DIP2C: variants seen among roughly 807,000 people sequenced by gnomAD.
DIP2C encodes the protein DIP2 acetate--CoA ligase C (putative).
In DIP2C, 33 loss-of-function variants were observed where a neutral mutation model predicts 192.4. The ratio of observed to expected loss-of-function variants is 0.17; its 90% CI spans 0.13 to 0.23. The LOEUF (loss-of-function observed/expected upper bound fraction) is 0.23, where lower values mean the gene tolerates loss of function less well. Among genes scored for constraint, DIP2C ranks in the 10% least tolerant of loss-of-function variants. The pLI is 1.00. For synonymous variants in DIP2C, 979 were observed against 864.1 expected (o/e 1.13, Z -2.33); for missense variants, 1,537 against 2,110.1 (o/e 0.73, Z 5.32).
intron 14 of DIP2C, among the ~76,000 whole-genome samples, chr10:386,932 C>G (rs986780955): frequency 1.3e-5 from 2 of 152,196 alleles, no homozygotes; most frequent in Non-Finnish European, 2.9e-5. Flanking sequence ...TACTTCCCCA[C>G]GAAAAGTGCC....
chr10:506,972 C>T (rs1564800127), intron 1 of DIP2C, among the ~76,000 whole-genome samples: 2 of 149,652 alleles, frequency 1.3e-5, no homozygotes, highest in South Asian at 2.1e-4. Context: ...CTGTGCAAGA[C>T]GAGAGGCGTG....
chr10:403,692 G>A (rs1324380600), intron 9 of DIP2C, among the ~76,000 whole-genome samples: 9 of 149,758 alleles, frequency 6.0e-5, no homozygotes, highest in African/African-American at 1.2e-4. Context: ...GATTTTACAC[G>A]TGTGGTAGCA....
At chr10:560,171 T>G (rs1849127216) in intron 1 of DIP2C, among the ~76,000 whole-genome samples, 1 of 152,002 alleles carries the variant, frequency 6.6e-6, no homozygotes, top group African/African-American at 2.4e-5. Context: ...AAAGCCAGTG[T>G]CCACTGATCA....
intron 31 of DIP2C, among the ~76,000 whole-genome samples, chr10:326,418 C>T (rs1957274381): frequency 6.6e-6 from 1 of 152,084 alleles, no homozygotes; most frequent in East Asian, 1.9e-4. Context: ...TGGAGGGATG[C>T]ACACCAACCG....
At chr10:519,194 C>G (rs1846542955) in intron 1 of DIP2C, among the ~76,000 whole-genome samples, 2 of 152,348 alleles carry the variant, frequency 1.3e-5, no homozygotes, top group South Asian at 4.1e-4. Flanking sequence ...CTCCTGGCTG[C>G]AGGGTCTGCA....
intron 1 of DIP2C, among the ~76,000 whole-genome samples, chr10:657,842 T>C (rs1856477596): frequency 2.0e-5 from 3 of 151,578 alleles, no homozygotes; most frequent in Non-Finnish European, 4.4e-5. Context: ...GACCTGCCCC[T>C]GGACCTGCCG....
intron 1 of DIP2C, among the ~76,000 whole-genome samples, chr10:633,380 T>TC (rs909330815): frequency 2.0e-5 from 3 of 150,704 alleles, no homozygotes; most frequent in Admixed American, 2.0e-4. Flanking sequence ...ACGGGGGGAG[T>TC]CCGAGGCGGT....
chr10:614,410 C>T (rs1193206040), intron 1 of DIP2C, among the ~76,000 whole-genome samples: 2 of 152,210 alleles, frequency 1.3e-5, no homozygotes, highest in East Asian at 1.9e-4. Flanking sequence ...CTAACAGTGC[C>T]GGCTCTGTGG....
chr10:587,808 C>T lies in DIP2C; in HGVS notation c.86-101278G>A, dbSNP rs369445882. On this transcript the variant is annotated intron_variant, in intron 1 of 36. Transcript: ENST00000280886. ...CACCAGGCGCTGCCTCAGCCCTCAC[C>T]CTCCTGAAACCCCACATCCACACCA... Among the ~76,000 whole-genome samples, 13 of 117,436 alleles carry T rather than the reference C, an allele frequency of 1.1e-4. No individual in the cohort carries two copies. The East Asian group carries it at 3.0e-3, about 27-fold the overall frequency. 77.0% of individuals were successfully genotyped at this position (117,436 alleles called of 152,430 possible). A position where few individuals can be genotyped will look rare whatever the true frequency, so the allele number is the denominator to read the frequency against.
At chr10:376,257 C>A (rs1387920053) in intron 17 of DIP2C, among the ~76,000 whole-genome samples, 3 of 146,784 alleles carry the variant, frequency 2.0e-5, no homozygotes, top group African/African-American at 7.9e-5. Context: ...CGGCCCCCGA[C>A]AGAGCCGGCA....
intron 4 of DIP2C, among the ~76,000 whole-genome samples, chr10:424,361 T>A (rs1966430388): frequency 4.5e-5 from 2 of 44,154 alleles, no homozygotes; most frequent in South Asian, 1.9e-3. Context: ...TTGGGTTTTT[T>A]TTTTTTTTTT....
At chr10:487,590 T>G (rs911300643) in intron 1 of DIP2C, among the ~76,000 whole-genome samples, 2 of 140,514 alleles carry the variant, frequency 1.4e-5, no homozygotes, top group African/African-American at 5.3e-5. Flanking sequence ...TTTTTTTTTT[T>G]TTTTTTTGAG....
At chr10:637,902 C>A (rs1006476724) in intron 1 of DIP2C, among the ~76,000 whole-genome samples, 5 of 152,210 alleles carry the variant, frequency 3.3e-5, no homozygotes, top group African/African-American at 4.8e-5. Context: ...AGGTCAGAGT[C>A]AGTCCAGAGC....
intron 1 of DIP2C, among the ~76,000 whole-genome samples, chr10:507,394 C>G (rs918844932): frequency 1.3e-5 from 2 of 151,126 alleles, no homozygotes; most frequent in Non-Finnish European, 2.9e-5. Flanking sequence ...GACCTAGTCA[C>G]CAGCTGTGCC....
intron 1 of DIP2C, among the ~76,000 whole-genome samples, chr10:561,843 A>G (rs541211174): frequency 2.1e-4 from 32 of 152,320 alleles, no homozygotes; most frequent in East Asian, 1.9e-4. Context: ...TTTCCTCCTT[A>G]GATACTGACA....
At chr10:390,472 A>G in intron 11 of DIP2C, 99 bp from the exon 12 acceptor site, 1 of 1,220,036 alleles carries the variant, frequency 8.2e-7, no homozygotes, top group Non-Finnish European at 1.2e-6. Flanking sequence ...CACGTCAACT[A>G]GATCGAATCT....
Position 579,859 on chromosome 10 carries a change from G to A in DIP2C, c.86-93329C>T, listed in dbSNP as rs538340631. On this transcript the variant is annotated intron_variant, in intron 1 of 36. Transcript: ENST00000280886. Reference sequence around the variant, plus strand: ...GTACACACATCTGTACAGTGTACATGCATATGTACACTATAACACATGTAC... The same window carrying A: ...GTACACACATCTGTACAGTGTACATACATATGTACACTATAACACATGTAC... Among the ~76,000 whole-genome samples, 6 of 151,940 alleles carry A rather than the reference G, an allele frequency of 3.9e-5. No individual in the cohort carries two copies. The East Asian group carries it at 5.8e-4, about 15-fold the overall frequency.
chr10:367,946 C>CAGTCACAAAGGAGCATTTTCATTG (rs1960479995), intron 18 of DIP2C, among the ~76,000 whole-genome samples: 1 of 143,204 alleles, frequency 7.0e-6, no homozygotes, highest in Admixed American at 6.9e-5. Flanking sequence ...GTTGCTCTCA[C>CAGTCACAAAGGAGCATTTTCATTG]TGCCGCACAG....
chr10:337,792 TGTGTGCAC>T (rs60711224), intron 29 of DIP2C, among the ~76,000 whole-genome samples: 72 of 1,130 alleles, frequency 0.064, 9 homozygotes, highest in Admixed American at 0.14. Context: ...GGCAGCTGTG[TGTGTGCAC>T]GTGTGTCGTG....
Sources: gnomAD v4.1 joint callset for allele counts (sites outside exome capture counted in the v4.1 genomes callset) on GRCh38, gnomAD v4.1.1 for gene constraint, MANE v1.5 for transcripts, NCBI Gene and HGNC (gene_info 2026-07-23, HGNC 2026-07-21) for gene names.